Variants in ASTN2 observed in about 807,000 individuals in gnomAD.
ASTN2 encodes the protein astrotactin 2, also known as astrotactin-2.
A neutral mutation model predicts 139.8 loss-of-function variants in ASTN2; 54 were observed. That is an observed-to-expected ratio of 0.39 (90% confidence interval 0.31 to 0.48). The LOEUF is 0.48. Among genes scored for constraint, ASTN2 ranks in the 20% least tolerant of loss-of-function variants. ASTN2 has a pLI of 0.95. For synonymous variants in ASTN2, 756 were observed against 719.5 expected (o/e 1.05, Z -0.81); for missense variants, 1,565 against 1,725.1 (o/e 0.91, Z 1.64).
At chr9:116,884,119 C>A (rs969044196) in intron 10 of ASTN2, among the ~76,000 whole-genome samples, 1 of 152,050 alleles carries the variant, frequency 6.6e-6, no homozygotes, top group African/African-American at 2.4e-5. Flanking sequence ...TAGAGTTCAT[C>A]GTTAATAGAG....
chr9:117,147,392 C>T (rs567530548), intron 3 of ASTN2, among the ~76,000 whole-genome samples: 49 of 151,870 alleles, frequency 3.2e-4, no homozygotes, highest in African/African-American at 8.0e-4. Flanking sequence ...GCTGAGATCA[C>T]GCCATTGCAC....
Position 117,275,265 on chromosome 9 carries a change from C to T in ASTN2, c.630+16061G>A, listed in dbSNP as rs118133233. On this transcript the variant is annotated intron_variant, in intron 2 of 22. Transcript: ENST00000313400. ...GCGGCCTCTACCCATTACTTAATTC[C>T]AAAGCCACTTTCACATTTTTAGGAA... Among the ~76,000 whole-genome samples the T allele has an allele frequency of 6.6e-5, 10 of 152,262 alleles. No homozygotes were observed. The East Asian group carries it at 7.7e-4, about 12-fold the overall frequency.
chr9:116,440,885 G>A, intron 21 of ASTN2, 93 bp from the exon 22 acceptor site: 1 of 1,312,416 alleles, frequency 7.6e-7, no homozygotes, highest in Admixed American at 2.1e-5. Flanking sequence ...ACAGTGGTGA[G>A]AAAGTTTGCT....
In ASTN2 at chr9:116,704,643, C is replaced by G. The variant is rs1314556730; in HGVS notation, c.2806+21128G>C. Among the ~76,000 whole-genome samples the G allele has an allele frequency of 2.6e-5, 4 of 152,194 alleles. No individual in the cohort carries two copies. In the South Asian group the frequency reaches 6.2e-4, roughly 24 times the overall value. ...TCAAGTGAAAGCCAGTGGAGATTTTCAGACCTGTATTGGTGATGCAATAGC... is the reference window on the plus strand; with the variant it reads ...TCAAGTGAAAGCCAGTGGAGATTTTGAGACCTGTATTGGTGATGCAATAGC... On this transcript the variant is annotated intron_variant, in intron 16 of 22. Transcript: ENST00000313400.
At chr9:116,890,340 G>T (rs1292632485) in intron 10 of ASTN2, among the ~76,000 whole-genome samples, 1 of 152,270 alleles carries the variant, frequency 6.6e-6, no homozygotes, top group South Asian at 2.1e-4. Flanking sequence ...CCACGCAGAT[G>T]ATCGGCTGCC....
intron 1 of ASTN2, among the ~76,000 whole-genome samples, chr9:117,387,712 T>C (rs1191178632): frequency 6.6e-6 from 1 of 152,160 alleles, no homozygotes; most frequent in African/African-American, 2.4e-5. Context: ...CCTAGCATCA[T>C]TCCCCTAAGG....
intron 19 of ASTN2, among the ~76,000 whole-genome samples, chr9:116,552,822 G>T (rs763319129): frequency 2.6e-5 from 4 of 152,230 alleles, no homozygotes; most frequent in Non-Finnish European, 4.4e-5. Flanking sequence ...GATCTAAGCT[G>T]CATGGGCACA....
chr9:117,090,460 C>G (rs1399563838), intron 5 of ASTN2, among the ~76,000 whole-genome samples: 1 of 152,188 alleles, frequency 6.6e-6, no homozygotes, highest in African/African-American at 2.4e-5. Flanking sequence ...GTCCCATTCT[C>G]CTTACAAAGA....
chr9:116,755,285 T>C (rs1337418508), intron 13 of ASTN2, among the ~76,000 whole-genome samples: 2 of 152,180 alleles, frequency 1.3e-5, no homozygotes, highest in African/African-American at 4.8e-5. Context: ...AATCCTCATA[T>C]GAAATTTTCA....
At chr9:117,120,018 G>GTATATATATATATATATATATATA (rs200361826) in intron 4 of ASTN2, among the ~76,000 whole-genome samples, 10 of 45,992 alleles carry the variant, frequency 2.2e-4, no homozygotes, top group Admixed American at 9.0e-4. Context: ...GTGTGTGTGT[G>GTATATATATATATATATATATATA]TATATATATA....
intron 4 of ASTN2, among the ~76,000 whole-genome samples, chr9:117,130,651 A>C (rs1829805935): frequency 6.6e-6 from 1 of 152,210 alleles, no homozygotes; most frequent in African/African-American, 2.4e-5. Context: ...AACAGGAAGA[A>C]GGCTCATGTT....
chr9:116,482,390 G>A (rs560480607), intron 20 of ASTN2, among the ~76,000 whole-genome samples: 1 of 152,114 alleles, frequency 6.6e-6, no homozygotes, highest in South Asian at 2.1e-4. Context: ...AGAATTGAAT[G>A]AGATAGTACA....
chr9:116,627,881 C>G (rs1167469653), intron 17 of ASTN2, among the ~76,000 whole-genome samples: 1 of 152,180 alleles, frequency 6.6e-6, no homozygotes, highest in Non-Finnish European at 1.5e-5. Context: ...GTACTTTAGA[C>G]ATATTAACTC....
chr9:116,462,788 ATGTGTG>A (rs55926547), intron 20 of ASTN2, among the ~76,000 whole-genome samples: 28,248 of 145,990 alleles, frequency 0.19, 3,122 homozygotes, highest in Non-Finnish European at 0.26. Flanking sequence ...TTGGGTGAGC[ATGTGTG>A]TGTGTGTGTG....
chr9:117,145,333 C>T (rs1332110909), intron 3 of ASTN2, among the ~76,000 whole-genome samples: 1 of 152,160 alleles, frequency 6.6e-6, no homozygotes, highest in East Asian at 1.9e-4. Flanking sequence ...AGAACCTGTA[C>T]TCATTCCTAG....
chr9:117,367,700 T>C (rs1010417387), intron 1 of ASTN2, among the ~76,000 whole-genome samples: 2 of 152,090 alleles, frequency 1.3e-5, no homozygotes, highest in African/African-American at 4.8e-5. Flanking sequence ...CTTTCTAAAC[T>C]CTTGTAATTA....
chr9:116,983,434 A>C (rs1325838392), intron 7 of ASTN2, among the ~76,000 whole-genome samples: 1 of 152,186 alleles, frequency 6.6e-6, no homozygotes, highest in East Asian at 1.9e-4. Flanking sequence ...AACTGAAGCT[A>C]ACACTCGACT....
intron 10 of ASTN2, among the ~76,000 whole-genome samples, chr9:116,915,890 A>G (rs565452905): frequency 1.5e-4 from 23 of 152,166 alleles, no homozygotes; most frequent in Non-Finnish European, 3.1e-4. Flanking sequence ...AGTGAGGTGG[A>G]AAGTGGCTTG....
At chr9:116,539,268 G>C (rs1851777082) in intron 19 of ASTN2, among the ~76,000 whole-genome samples, 1 of 152,014 alleles carries the variant, frequency 6.6e-6, no homozygotes, top group East Asian at 1.9e-4. Context: ...AATTGACCGT[G>C]GTGATAATCG....
Sources: gnomAD v4.1 joint callset for allele counts (sites outside exome capture counted in the v4.1 genomes callset) on GRCh38, gnomAD v4.1.1 for gene constraint, MANE v1.5 for transcripts, NCBI Gene and HGNC (gene_info 2026-07-23, HGNC 2026-07-21) for gene names.